Variants in NT5DC3 observed in about 807,000 individuals in gnomAD.
The protein encoded by NT5DC3 is 5'-nucleotidase domain-containing protein 3.
In NT5DC3, 42 loss-of-function variants were observed where a neutral mutation model predicts 67.8. That is an observed-to-expected ratio of 0.62 (90% CI 0.48 to 0.80). The LOEUF (loss-of-function observed/expected upper bound fraction) is 0.80, where lower values mean the gene tolerates loss of function less well. Ranked by LOEUF, NT5DC3 falls within the 30% of genes least tolerant of loss-of-function variation. The pLI is 0.00. For synonymous variants in NT5DC3, 237 were observed against 255.6 expected, an observed-to-expected ratio of 0.93 and a Z score of 0.69; for missense variants, 570 against 696.4, an observed-to-expected ratio of 0.82 and a Z score of 2.04.
chr12:103,832,059 G>A (rs10861115), intron 1 of NT5DC3, among the ~76,000 whole-genome samples: 20,745 of 152,034 alleles, frequency 0.14, 1,558 homozygotes, highest in Middle Eastern at 0.28. Context: ...TTACAGGCCT[G>A]AGCCACCACG....
downstream of NT5DC3, among the ~76,000 whole-genome samples, chr12:103,768,493 G>A (rs560531104): frequency 1.0e-5 from 1 of 99,658 alleles, no homozygotes; most frequent in Non-Finnish European, 2.0e-5. Flanking sequence ...CAAACTTGGG[G>A]TAGGGAGGGG....
Position 103,797,033 on chromosome 12 carries a change from T to C in NT5DC3, c.616-2A>G. 6.2e-7 allele frequency: 1 copy of C among 1,614,050 alleles called. No individual in the cohort carries two copies. The highest frequency in any genetic ancestry group is 1.7e-5 in the Admixed American group (1 of 60,014). On this transcript the variant is annotated splice_acceptor_variant, in intron 5 of 13. Transcript: ENST00000392876. LOFTEE classifies it high-confidence loss of function. ...CTTCATCGTGTTTCCATGAGAGCTCTGCAGACAGGGTGGAAGGAATGCTTT... is the reference window on the plus strand; with the variant it reads ...CTTCATCGTGTTTCCATGAGAGCTCCGCAGACAGGGTGGAAGGAATGCTTT...
downstream of NT5DC3, chr12:103,771,380 C>T (rs528637819): frequency 3.3e-5 from 5 of 152,282 alleles, no homozygotes; most frequent in African/African-American, 1.2e-4. Flanking sequence ...TTTGTGGTTA[C>T]CTATAAAAGA....
intron 9 of NT5DC3, among the ~76,000 whole-genome samples, chr12:103,791,545 TA>T (rs1235782632): frequency 6.6e-6 from 1 of 152,060 alleles, no homozygotes; most frequent in Non-Finnish European, 1.5e-5. Flanking sequence ...CCAAATTCCT[TA>T]AACCCTCAAT....
intron 1 of NT5DC3, among the ~76,000 whole-genome samples, chr12:103,837,439 A>T (rs1368482935): frequency 6.6e-6 from 1 of 152,210 alleles, no homozygotes; most frequent in African/African-American, 2.4e-5. Flanking sequence ...CTCAAAAAAA[A>T]ATGGGTTTTT....
intron 2 of NT5DC3, among the ~76,000 whole-genome samples, chr12:103,808,462 C>T (rs527791727): frequency 5.3e-5 from 8 of 152,188 alleles, no homozygotes; most frequent in Non-Finnish European, 1.0e-4. Flanking sequence ...CATGGCTGAG[C>T]GGCTAATATT....
chr12:103,833,882 T>C (rs1888037077), intron 1 of NT5DC3, among the ~76,000 whole-genome samples: 1 of 152,118 alleles, frequency 6.6e-6, no homozygotes, highest in African/African-American at 2.4e-5. Context: ...CACGCAACAT[T>C]AAAGCACAAC....
intron 11 of NT5DC3, among the ~76,000 whole-genome samples, chr12:103,787,197 TATTTCCATC>T: frequency 7.1e-6 from 1 of 141,174 alleles, no homozygotes; most frequent in Non-Finnish European, 1.6e-5. Flanking sequence ...TGAGTGAACT[TATTTCCATC>T]ATTTCCAAAA....
At chr12:103,794,343 T>C (rs1351898672) in intron 6 of NT5DC3, among the ~76,000 whole-genome samples, 1 of 130,914 alleles carries the variant, frequency 7.6e-6, no homozygotes, top group Non-Finnish European at 1.7e-5. Flanking sequence ...AGAGACAGGG[T>C]TTCACCATGT....
chr12:103,779,040 AC>A (rs1328294071), intron 13 of NT5DC3, among the ~76,000 whole-genome samples: 1 of 152,182 alleles, frequency 6.6e-6, no homozygotes, highest in Non-Finnish European at 1.5e-5. Context: ...AAGGATCAAG[AC>A]CCCGTTTTAC....
chr12:103,798,492 C>T, intron 5 of NT5DC3, 95 bp downstream of exon 5: 1 of 795,958 alleles, frequency 1.3e-6, no homozygotes, highest in East Asian at 2.5e-5. Context: ...CTCAAATTTC[C>T]CTGTCAATTC....
chr12:103,828,312 T>C (rs900122525), intron 1 of NT5DC3, among the ~76,000 whole-genome samples: 6 of 152,234 alleles, frequency 3.9e-5, no homozygotes, highest in Non-Finnish European at 7.3e-5. Context: ...GGATTCCTTC[T>C]TCCAGCAGAG....
the NT5DC3 span, chr12:103,755,560 G>T: frequency 6.2e-7 from 1 of 1,611,752 alleles, no homozygotes; most frequent in Non-Finnish European, 8.5e-7. Flanking sequence ...AAGCAGTGCA[G>T]CCCTGGCCCC....
At chr12:103,755,569 C>A in the NT5DC3 span, 1 of 1,612,492 alleles carries the variant, frequency 6.2e-7, no homozygotes, top group Non-Finnish European at 8.5e-7. Flanking sequence ...AGCCCTGGCC[C>A]CTGCCTTACT....
Position 103,779,903 on chromosome 12 carries a change from A to T in NT5DC3, c.1394+397T>A, listed in dbSNP as rs1051306862. On this transcript the variant is annotated intron_variant, in intron 13 of 13. Transcript: ENST00000392876. ...TACAAATAAGCACCAGGGTCGTAGGAGCCCTAAGAATTCATTGAGGGTTCA... is the reference window on the plus strand; with the variant it reads ...TACAAATAAGCACCAGGGTCGTAGGTGCCCTAAGAATTCATTGAGGGTTCA... 1.3e-5 allele frequency among the ~76,000 whole-genome samples: 2 copies of T among 152,162 alleles called. 1 individual carries two copies.
chr12:103,809,152 G>A (rs1022160407), intron 2 of NT5DC3, among the ~76,000 whole-genome samples: 9 of 152,320 alleles, frequency 5.9e-5, no homozygotes, highest in South Asian at 2.1e-4. Context: ...GACACTCATC[G>A]CCTCCCTGTG....
intron 1 of NT5DC3, among the ~76,000 whole-genome samples, chr12:103,839,871 C>CA (rs200342775): frequency 0.014 from 2,151 of 151,888 alleles, 46 homozygotes; most frequent in African/African-American, 0.049. Context: ...GACTTCTGGC[C>CA]AAAAAAAATG....
At position 103,780,199 on chromosome 12, in the gene NT5DC3, T is replaced by C. The variant is rs1301375282; in HGVS notation, c.1394+101A>G. The C allele has an allele frequency of 3.1e-6, 3 of 980,430 alleles. No individual in the cohort carries two copies. In the East Asian group the frequency reaches 7.2e-5, roughly 24 times the overall value. 60.7% of individuals were successfully genotyped at this position (980,430 alleles called of 1,614,324 possible). ...CATACCTGGGAGCTAAAATAGGATG[T>C]TTCAACATTATGCCTCAGGCTGGCC... On this transcript the variant is annotated intron_variant, in intron 13 of 13. Transcript: ENST00000392876.
intron 1 of NT5DC3, among the ~76,000 whole-genome samples, chr12:103,840,377 G>GCTCATCTCATCTCAT (rs10552367): frequency 0.069 from 7,920 of 115,246 alleles, 415 homozygotes; most frequent in East Asian, 0.23. Flanking sequence ...ACACCGCACA[G>GCTCATCTCATCTCAT]CTCATCTCAT....
Sources: allele counts gnomAD v4.1 joint callset (sites outside exome capture counted in the v4.1 genomes callset), GRCh38; gene constraint gnomAD v4.1.1; transcripts MANE v1.5; gene names NCBI Gene and HGNC (gene_info 2026-07-23, HGNC 2026-07-21).